NRG1: variants seen among roughly 807,000 people sequenced by gnomAD.
NRG1 encodes neuregulin 1, also known as pro-neuregulin-1, membrane-bound isoform.
NRG1 carries 18 observed loss-of-function variants against 63.8 expected under a neutral mutation model. The observed-to-expected ratio is 0.28, with a 90% CI of 0.19 to 0.42. The LOEUF is 0.42. NRG1 is among the 10% of genes least tolerant of loss of function. The pLI is 1.00. For synonymous variants in NRG1, 302 were observed against 301.3 expected (o/e 1.00, Z -0.02); for missense variants, 762 against 814.7 (o/e 0.94, Z 0.79).
At chr8:31,789,710 G>A (rs902182661) in intron 1 of NRG1, among the ~76,000 whole-genome samples, 2 of 152,130 alleles carry the variant, frequency 1.3e-5, no homozygotes, top group Admixed American at 6.6e-5. Flanking sequence ...ATGTTTTTAC[G>A]CAAAATGTCA....
intron 1 of NRG1, among the ~76,000 whole-genome samples, chr8:32,504,713 T>C (rs1828318124): frequency 1.3e-5 from 2 of 152,216 alleles, no homozygotes; most frequent in Non-Finnish European, 2.9e-5. Context: ...CTGGCATTTT[T>C]GTCTTTTTAA....
chr8:31,725,805 TA>T (rs1458418908), intron 1 of NRG1, among the ~76,000 whole-genome samples: 1 of 152,220 alleles, frequency 6.6e-6, no homozygotes, highest in African/African-American at 2.4e-5. Flanking sequence ...ATTGGTTTTA[TA>T]CAGCTATTAC....
intron 1 of NRG1, among the ~76,000 whole-genome samples, chr8:32,335,076 A>G (rs1241348035): frequency 6.6e-6 from 1 of 152,176 alleles, no homozygotes; most frequent in African/African-American, 2.4e-5. Flanking sequence ...TGGTATATAT[A>G]TAATTTATAT....
intron 1 of NRG1, among the ~76,000 whole-genome samples, chr8:32,313,021 T>C (rs1005271231): frequency 4.6e-5 from 7 of 151,910 alleles, no homozygotes; most frequent in Non-Finnish European, 8.8e-5. Context: ...CGTGTGGTGG[T>C]GGACGCCTGT....
At position 32,057,536 on chromosome 8, in the gene NRG1, A is replaced by T. The variant is rs549693081; in HGVS notation, c.37+418105A>T. ...GTGTGAATTTGTCAAAACAAGATAC[A>T]TCAGGAGAGCTGAGTGAAATGTTTC... On this transcript the variant is annotated intron_variant, in intron 1 of 10. Coordinates refer to the NRG1 transcript ENST00000519301. Among the ~76,000 whole-genome samples the T allele has an allele frequency of 3.3e-5, 5 of 152,280 alleles. No homozygotes were observed. The East Asian group carries it at 5.8e-4, about 18-fold the overall frequency.
intron 1 of NRG1, among the ~76,000 whole-genome samples, chr8:31,749,045 G>T (rs1563356839): frequency 1.3e-5 from 2 of 151,840 alleles, no homozygotes; most frequent in African/African-American, 2.4e-5. Flanking sequence ...TAAGTAAATT[G>T]TGCATTATAC....
At position 32,613,728 on chromosome 8, in the gene NRG1, C is replaced by T. The variant is rs186350898; in HGVS notation, c.401-786C>T. On this transcript the variant is annotated intron_variant, in intron 3 of 11. Transcript: ENST00000356819. Reference sequence around the variant, plus strand: ...TTGAATGATATACATCATTGCATCTCTACATCTTTCCAGGCTTCATAAAAC... The same window carrying T: ...TTGAATGATATACATCATTGCATCTTTACATCTTTCCAGGCTTCATAAAAC... Among the ~76,000 whole-genome samples, 192 of 152,154 alleles carry T rather than the reference C, an allele frequency of 1.3e-3. 1 individual carries two copies. Among genetic ancestry groups the T allele is most frequent in the African/African-American group, 4.2e-3 (173 of 41,548 alleles).
chr8:31,855,302 T>C (rs1469069262), intron 1 of NRG1, among the ~76,000 whole-genome samples: 3 of 152,210 alleles, frequency 2.0e-5, no homozygotes, highest in African/African-American at 7.2e-5. Flanking sequence ...GCTCCTGTAT[T>C]GGGTGCATAT....
intron 1 of NRG1, among the ~76,000 whole-genome samples, chr8:31,844,473 G>T (rs1646940087): frequency 6.6e-6 from 1 of 152,126 alleles, no homozygotes; most frequent in African/African-American, 2.4e-5. Flanking sequence ...ACTCAAATGG[G>T]AAATGATGAT....
At chr8:32,051,697 TACA>T (rs35685427) in intron 1 of NRG1, among the ~76,000 whole-genome samples, 17 of 151,374 alleles carry the variant, frequency 1.1e-4, no homozygotes, top group African/African-American at 3.4e-4. Flanking sequence ...GTTCAGGAAC[TACA>T]ACAACAACAA....
intron 1 of NRG1, among the ~76,000 whole-genome samples, chr8:32,358,882 A>G (rs1415191652): frequency 6.6e-6 from 1 of 152,214 alleles, no homozygotes; most frequent in Non-Finnish European, 1.5e-5. Context: ...CTTAAAAAAT[A>G]AATAAATAAA....
chr8:31,664,783 G>T (rs2130958822), intron 1 of NRG1, among the ~76,000 whole-genome samples: 1 of 152,282 alleles, frequency 6.6e-6, no homozygotes, highest in South Asian at 2.1e-4. Flanking sequence ...ACAGTTAACT[G>T]GTAAAACTCA....
intron 1 of NRG1, among the ~76,000 whole-genome samples, chr8:32,286,662 T>TCTGGCCATATGATGCCTGCTAC (rs1853556640): frequency 6.6e-6 from 1 of 152,200 alleles, no homozygotes; most frequent in Admixed American, 6.5e-5. Context: ...TTCCTTTCTG[T>TCTGGCCATATGATGCCTGCTAC]CTGGCCATAT....
intron 1 of NRG1, among the ~76,000 whole-genome samples, chr8:31,678,184 T>A (rs1370042724): frequency 6.6e-6 from 1 of 152,156 alleles, no homozygotes; most frequent in Non-Finnish European, 1.5e-5. Flanking sequence ...CATTTTCTAA[T>A]AGTGTTTTGT....
intron 1 of NRG1, among the ~76,000 whole-genome samples, chr8:31,910,535 G>T (rs1009624637): frequency 1.2e-4 from 19 of 152,144 alleles, no homozygotes; most frequent in African/African-American, 4.3e-4. Context: ...GAGAGATGAT[G>T]TTGGGAGCAA....
intron 1 of NRG1, among the ~76,000 whole-genome samples, chr8:31,997,672 C>T (rs1812235876): frequency 6.6e-6 from 1 of 151,906 alleles, no homozygotes; most frequent in African/African-American, 2.4e-5. Flanking sequence ...AGAGTCCTTC[C>T]CACATCATCA....
chr8:32,743,328 G>A (rs1826776200), intron 7 of NRG1: 1 of 591,554 alleles, frequency 1.7e-6, no homozygotes, highest in Non-Finnish European at 2.1e-6. Flanking sequence ...CAGCAAATGA[G>A]ATATCCTGGC....
chr8:32,767,636 A>G lies in NRG1; in HGVS notation c.*3234A>G, dbSNP rs370489034. On this transcript the variant is annotated 3_prime_UTR_variant, in exon 12 of 12. Coordinates refer to ENST00000356819, the Ensembl canonical transcript of NRG1. ...TGTAAATAACATAATGTCCTTTATT[A>G]TTTATATTTAAGCATCTAACATATA... The G allele has an allele frequency of 2.0e-5, 3 of 152,280 alleles. No homozygotes were observed. The East Asian group carries it at 5.8e-4, about 29-fold the overall frequency. The allele number at this position is 152,280 out of a possible 1,614,324, so 9.4% of individuals were successfully genotyped here. A position where few individuals can be genotyped will look rare whatever the true frequency, so the allele number is the denominator to read the frequency against.
chr8:31,804,520 G>C (rs921991452), intron 1 of NRG1, among the ~76,000 whole-genome samples: 2 of 152,084 alleles, frequency 1.3e-5, no homozygotes, highest in Admixed American at 6.6e-5. Flanking sequence ...GGAGACCCAG[G>C]AACACAGAAC....
Sources: gnomAD v4.1 joint callset for allele counts (sites outside exome capture counted in the v4.1 genomes callset) on GRCh38, gnomAD v4.1.1 for gene constraint, MANE v1.5 for transcripts, NCBI Gene and HGNC (gene_info 2026-07-23, HGNC 2026-07-21) for gene names.